The following STAT4 variants were observed in gnomAD, a reference collection of about 807,000 sequenced individuals.
The protein encoded by STAT4 is signal transducer and activator of transcription 4.
In STAT4, 42 loss-of-function variants were observed where a neutral mutation model predicts 110.5. The observed-to-expected ratio is 0.38, with a 90% CI of 0.30 to 0.49. The LOEUF is 0.49. Among genes scored for constraint, STAT4 ranks in the 20% least tolerant of loss-of-function variants. STAT4 has a pLI of 0.95. For missense variants in STAT4, 632 were observed against 887.9 expected, an observed-to-expected ratio of 0.71 and a Z score of 3.66; for synonymous variants, 284 against 302.2, an observed-to-expected ratio of 0.94 and a Z score of 0.63.
intron 3 of STAT4, among the ~76,000 whole-genome samples, chr2:191,098,134 G>A (rs1391730873): frequency 3.3e-5 from 5 of 152,224 alleles, no homozygotes; most frequent in Admixed American, 6.5e-5. Flanking sequence ...AGAGGATGTG[G>A]AGAAATAGGA....
rs764027521 is a variant in STAT4, at chr2:191,033,312, G to A, written c.1853-163C>T. ...TCTGGACAGTATAGATTGTGCATACGATAGACTTTTTGGAATTCATAGGTA... is the reference window on the plus strand; with the variant it reads ...TCTGGACAGTATAGATTGTGCATACAATAGACTTTTTGGAATTCATAGGTA... On this transcript the variant is annotated intron_variant, in intron 20 of 23. Coordinates refer to ENST00000392320, the MANE Select transcript of STAT4 (RefSeq NM_003151.4). The surrounding 1 kb of genome is among the most constrained non-coding windows in gnomAD (Gnocchi z 6.9). Among the ~76,000 whole-genome samples the A allele has an allele frequency of 1.6e-4, 25 of 152,116 alleles. No individual in the cohort carries two copies. Among genetic ancestry groups the A allele is most frequent in the Non-Finnish European group, 2.8e-4 (19 of 68,024 alleles).
In STAT4 at chr2:191,077,582, A is replaced by G. The variant is rs1011861884; in HGVS notation, c.274-1257T>C. On this transcript the variant is annotated intron_variant, in intron 3 of 23. Coordinates refer to ENST00000392320, the MANE Select transcript of STAT4 (RefSeq NM_003151.4). The surrounding 1 kb of genome is among the most constrained non-coding windows in gnomAD (Gnocchi z 4.1). The stretch of plus-strand genomic sequence containing the variant: ...ATCCACAAAGTGGAAAATTAACAAT[A>G]AAAAATAGACTATACAGATATAAAC... Among the ~76,000 whole-genome samples the G allele has an allele frequency of 2.0e-5, 3 of 152,222 alleles. No individual in the cohort carries two copies. Among genetic ancestry groups the G allele is most frequent in the Admixed American group, 1.3e-4 (2 of 15,280 alleles).
chr2:191,131,946 G>A, intron 3 of STAT4: 1 of 1,305,954 alleles, frequency 7.7e-7, no homozygotes, highest in Non-Finnish European at 9.8e-7. Context: ...TTGTGGAGGT[G>A]TGTGTTATCT....
At position 191,070,784 on chromosome 2, in the gene STAT4, T is replaced by C. The variant is rs147246513; in HGVS notation, c.466-1013A>G. Among the ~76,000 whole-genome samples, 519 of 152,174 alleles carry C rather than the reference T, an allele frequency of 3.4e-3. 1 individual carries two copies. The highest frequency in any genetic ancestry group is 0.012 in the African/African-American group (487 of 41,528). On this transcript the variant is annotated intron_variant, in intron 5 of 23. Transcript: ENST00000392320. ...AGAGTCTGAATTTGTGTCCCAACTCTATGACTTATTAGCTGCATGGACTTG... is the reference window on the plus strand; with the variant it reads ...AGAGTCTGAATTTGTGTCCCAACTCCATGACTTATTAGCTGCATGGACTTG...
At chr2:191,131,642 G>C (rs776293264) in intron 3 of STAT4, 4 of 600,362 alleles carry the variant, frequency 6.7e-6, no homozygotes, top group African/African-American at 1.9e-5. Flanking sequence ...TGTCAGGGAG[G>C]AGGCACAAGA....
chr2:191,086,070 T>C lies in STAT4; in HGVS notation c.274-9745A>G, dbSNP rs1288394109. The stretch of plus-strand genomic sequence containing the variant: ...GCAATAGTTATTTTCATAAGTTCAA[T>C]AATAATAATCTCTTTTCTTCTGTAA... On this transcript the variant is annotated intron_variant, in intron 3 of 23. Transcript: ENST00000392320. The surrounding 1 kb of genome is among the most constrained non-coding windows in gnomAD (Gnocchi z 5.5). Among the ~76,000 whole-genome samples the C allele has an allele frequency of 2.0e-5, 3 of 152,216 alleles. No homozygotes were observed. Among genetic ancestry groups the C allele is most frequent in the Non-Finnish European group, 4.4e-5 (3 of 68,026 alleles).
chr2:191,048,080 G>C (rs1380352242), intron 14 of STAT4, among the ~76,000 whole-genome samples: 2 of 152,212 alleles, frequency 1.3e-5, no homozygotes, highest in Non-Finnish European at 2.9e-5. Context: ...GGTCTTAAAA[G>C]TGTGAGAAAC....
intron 13 of STAT4, among the ~76,000 whole-genome samples, chr2:191,055,580 C>A (rs1322072400): frequency 1.3e-5 from 2 of 151,678 alleles, no homozygotes; most frequent in Non-Finnish European, 1.5e-5. Context: ...CTCTTGATCT[C>A]TTGACCCTGT....
In STAT4 at chr2:191,031,248, C is replaced by A; in HGVS notation, c.2112-168G>T. The A allele has an allele frequency of 1.1e-6, 1 of 876,584 alleles. No individual in the cohort carries two copies. The highest frequency in any genetic ancestry group is 1.7e-6 in the Non-Finnish European group (1 of 573,574). 54.3% of individuals were successfully genotyped at this position (876,584 alleles called of 1,614,324 possible). ...ACTCAACTTACTGTGGCATATATGG[C>A]ATATAAAAGGGGAATTTTATAATTT... On this transcript the variant is annotated intron_variant, in intron 22 of 23. Coordinates refer to ENST00000392320, the MANE Select transcript of STAT4 (RefSeq NM_003151.4). The surrounding 1 kb of genome is among the most constrained non-coding windows in gnomAD (Gnocchi z 4.8).
At chr2:191,047,797 CTGGGACTA>C (rs1696391939) in intron 14 of STAT4, among the ~76,000 whole-genome samples, 1 of 152,202 alleles carries the variant, frequency 6.6e-6, no homozygotes. Flanking sequence ...TCCTGAGTAG[CTGGGACTA>C]TGGGCGTGCG....
chr2:191,073,061 A>T (rs1310316987), intron 5 of STAT4, 37 bp downstream of exon 5: 1 of 1,570,162 alleles, frequency 6.4e-7, no homozygotes, highest in African/African-American at 1.4e-5. Context: ...TGGGGACAGT[A>T]TCTAGACTTT....
intron 3 of STAT4, chr2:191,131,477 T>A (rs913838327): frequency 5.6e-6 from 1 of 177,044 alleles, no homozygotes; most frequent in Non-Finnish European, 1.2e-5. Flanking sequence ...ATAAATATAG[T>A]GTGATCTCAC....
rs199803507 is a variant in STAT4, at chr2:191,106,647, AAAAATAAAATAAAATAAAATAAAAT to A, written c.274-30347_274-30323del. On this transcript the variant is annotated intron_variant, in intron 3 of 23. Transcript: ENST00000392320. Reference sequence around the variant, plus strand: ...GGGCAACAGAGTGAGACTCCATCTCAAAAATAAAATAAAATAAAATAAAATAAAATAAAATAAAATAAAATAAAAT... The same window carrying A: ...GGGCAACAGAGTGAGACTCCATCTCAAAAATAAAATAAAATAAAATAAAAT... 1.3e-4 allele frequency among the ~76,000 whole-genome samples: 16 copies of A among 127,308 alleles called. No individual in the cohort carries two copies. The East Asian group carries it at 2.2e-3, about 17-fold the overall frequency. The allele number at this position is 127,308 out of a possible 152,430, so 83.5% of individuals were successfully genotyped here.
Position 191,032,505 on chromosome 2 carries a change from C to G in STAT4, c.2044+453G>C, listed in dbSNP as rs183952433. On this transcript the variant is annotated intron_variant, in intron 21 of 23. Coordinates refer to ENST00000392320, the MANE Select transcript of STAT4 (RefSeq NM_003151.4). The surrounding 1 kb of genome is among the most constrained non-coding windows in gnomAD (Gnocchi z 4.9). ...CCTCCCTAGCAAATGAACAAATACC[C>G]TGAGTTGTAAGACTACAGTAAGGTT... is the stretch of plus-strand genomic sequence containing the variant. Among the ~76,000 whole-genome samples, 24 of 152,262 alleles carry G rather than the reference C, an allele frequency of 1.6e-4. No homozygotes were observed. The highest frequency in any genetic ancestry group is 5.8e-4 in the African/African-American group (24 of 41,544).
intron 3 of STAT4, among the ~76,000 whole-genome samples, chr2:191,126,604 C>T (rs890350035): frequency 6.6e-6 from 1 of 152,128 alleles, no homozygotes; most frequent in Non-Finnish European, 1.5e-5. Flanking sequence ...GTAGAAATCT[C>T]ATTTTTTTTT....
At chr2:191,151,446 T>C, upstream of STAT4, 1 of 985,618 alleles carries the variant, frequency 1.0e-6, no homozygotes, top group African/African-American at 1.7e-5. This position sits in a 1 kb window ranked among gnomAD's most constrained non-coding sequence, Gnocchi z 4.7. Flanking sequence ...ACCAAACTCA[T>C]AGACCTTACT....
At chr2:191,109,260 T>C (rs1272062952) in intron 3 of STAT4, among the ~76,000 whole-genome samples, 1 of 152,142 alleles carries the variant, frequency 6.6e-6, no homozygotes, top group Non-Finnish European at 1.5e-5. Context: ...AAGAAACTTA[T>C]AAAATATAAT....
At chr2:191,084,211 G>C (rs187001476) in intron 3 of STAT4, among the ~76,000 whole-genome samples, 1,784 of 151,804 alleles carry the variant, frequency 0.012, 40 homozygotes, top group African/African-American at 0.041. Context: ...GCAGTGAGCC[G>C]AGATCATGCC....
At position 191,037,609 on chromosome 2, in the gene STAT4, A is replaced by T. The variant is rs1319590286; in HGVS notation, c.1435-1310T>A. Reference sequence around the variant, plus strand: ...CAAGAAGAGGAAAGGAAGAATTCAGAAATCCAGTGCGGTGCCTGGAAAAGG... The same window carrying T: ...CAAGAAGAGGAAAGGAAGAATTCAGTAATCCAGTGCGGTGCCTGGAAAAGG... On this transcript the variant is annotated intron_variant, in intron 16 of 23. Transcript: ENST00000392320. The surrounding 1 kb of genome is among the most constrained non-coding windows in gnomAD (Gnocchi z 4.8). 6.6e-6 allele frequency among the ~76,000 whole-genome samples: 1 copy of T among 152,244 alleles called. No individual in the cohort carries two copies. Among genetic ancestry groups the T allele is most frequent in the African/African-American group, 2.4e-5 (1 of 41,472 alleles).
Sources: gnomAD v4.1 joint callset for allele counts (sites outside exome capture counted in the v4.1 genomes callset) on GRCh38, gnomAD v4.1.1 for gene constraint, Gnocchi (gnomAD v3.1) non-coding constraint, MANE v1.5 for transcripts, NCBI Gene and HGNC (gene_info 2026-07-23, HGNC 2026-07-21) for gene names.